LRRTM4: variants seen among roughly 807,000 people sequenced by gnomAD.
LRRTM4 encodes leucine rich repeat transmembrane neuronal 4.
A neutral mutation model predicts 47.6 loss-of-function variants in LRRTM4; 25 were observed. That is an observed-to-expected ratio of 0.53 (90% CI 0.38 to 0.73). The LOEUF is 0.73. LRRTM4 is among the 30% of genes least tolerant of loss of function. LRRTM4 has a pLI of 0.00. For synonymous variants in LRRTM4, 311 were observed against 269.5 expected (o/e 1.15, Z -1.51); for missense variants, 638 against 713.4 (o/e 0.89, Z 1.20).
intron 3 of LRRTM4, among the ~76,000 whole-genome samples, chr2:77,081,432 T>C (rs1340275669): frequency 3.3e-5 from 5 of 152,080 alleles, no homozygotes; most frequent in Non-Finnish European, 2.9e-5. Flanking sequence ...AATTGGAACA[T>C]AGAAAGTTAA....
chr2:76,875,956 AT>A (rs1342832627), intron 3 of LRRTM4, among the ~76,000 whole-genome samples: 2 of 152,136 alleles, frequency 1.3e-5, no homozygotes, highest in African/African-American at 4.8e-5. Context: ...GAGAGAGAGC[AT>A]TTACTGACTT....
intron 3 of LRRTM4, among the ~76,000 whole-genome samples, chr2:77,429,167 G>A (rs777262902): frequency 6.6e-6 from 1 of 152,088 alleles, no homozygotes; most frequent in Non-Finnish European, 1.5e-5. Flanking sequence ...AGGGTAAGAC[G>A]AATGGCAATT....
At chr2:77,192,449 A>C (rs901070550) in intron 3 of LRRTM4, among the ~76,000 whole-genome samples, 2 of 152,162 alleles carry the variant, frequency 1.3e-5, no homozygotes, top group Non-Finnish European at 1.5e-5. Context: ...ATGGCATACT[A>C]TCTAAAGAAA....
intron 3 of LRRTM4, among the ~76,000 whole-genome samples, chr2:77,473,264 G>A (rs13417799): frequency 0.063 from 9,580 of 152,164 alleles, 463 homozygotes; most frequent in Admixed American, 0.17. Flanking sequence ...ATGAATAATC[G>A]TTATGCAATC....
At chr2:77,000,977 C>T (rs4396752) in intron 3 of LRRTM4, among the ~76,000 whole-genome samples, 21,317 of 151,978 alleles carry the variant, frequency 0.14, 1,609 homozygotes, top group Admixed American at 0.2. Context: ...CAGGGGAGAA[C>T]GATTTGAGAC....
chr2:76,839,050 C>T (rs1292120408), intron 3 of LRRTM4, among the ~76,000 whole-genome samples: 2 of 152,046 alleles, frequency 1.3e-5, no homozygotes, highest in African/African-American at 2.4e-5. Flanking sequence ...ACCTCAAGAC[C>T]TCTGTAATGT....
intron 3 of LRRTM4, among the ~76,000 whole-genome samples, chr2:77,178,401 C>A (rs1673256959): frequency 1.3e-5 from 2 of 152,142 alleles, no homozygotes; most frequent in South Asian, 4.1e-4. Context: ...GCCTGGCCAA[C>A]ATGGTGAAAC....
At chr2:77,286,844 C>T (rs1676677683) in intron 3 of LRRTM4, among the ~76,000 whole-genome samples, 1 of 152,070 alleles carries the variant, frequency 6.6e-6, no homozygotes. Flanking sequence ...GGAAAACCTA[C>T]TGAAAATTAA....
intron 3 of LRRTM4, among the ~76,000 whole-genome samples, chr2:77,272,106 C>T (rs1176587526): frequency 6.6e-6 from 1 of 152,138 alleles, no homozygotes; most frequent in Non-Finnish European, 1.5e-5. Context: ...TCTCTCCTTT[C>T]TTCTCAGTGA....
chr2:76,858,276 A>T (rs1451336908), intron 3 of LRRTM4, among the ~76,000 whole-genome samples: 1 of 152,168 alleles, frequency 6.6e-6, no homozygotes, highest in Non-Finnish European at 1.5e-5. Context: ...GCCTGAAAAA[A>T]CAAAAAGGCT....
In LRRTM4 at chr2:76,894,359, T is replaced by G. The variant is rs78703600; in HGVS notation, c.1552-145443A>C. ...GGACCAGAGATGCCAGCATGCTGTT[T>G]GTAAAAATACTGACTCATATAATCT... On this transcript the variant is annotated intron_variant, in intron 3 of 3. Coordinates refer to ENST00000409884, the MANE Select transcript of LRRTM4 (RefSeq NM_001134745.3). Among the ~76,000 whole-genome samples the G allele has an allele frequency of 4.3e-3, 650 of 152,186 alleles. 2 individuals carry two copies. Among genetic ancestry groups the G allele is most frequent in the African/African-American group, 0.014 (600 of 41,558 alleles).
chr2:76,967,887 C>T (rs1489150366), intron 3 of LRRTM4, among the ~76,000 whole-genome samples: 2 of 151,314 alleles, frequency 1.3e-5, no homozygotes, highest in East Asian at 2.0e-4. Context: ...GGCTAATGGG[C>T]TTGAAGTGAA....
At chr2:77,274,681 T>C (rs1482368845) in intron 3 of LRRTM4, among the ~76,000 whole-genome samples, 1 of 152,180 alleles carries the variant, frequency 6.6e-6, no homozygotes, top group Non-Finnish European at 1.5e-5. Context: ...ATTTTTTGGC[T>C]CTACAGTACA....
intron 3 of LRRTM4, among the ~76,000 whole-genome samples, chr2:77,101,473 G>C (rs2103911674): frequency 6.6e-6 from 1 of 152,198 alleles, no homozygotes; most frequent in South Asian, 2.1e-4. Context: ...TTAGATTTCT[G>C]TATATATTAT....
At chr2:77,022,311 A>G (rs1477109414) in intron 3 of LRRTM4, among the ~76,000 whole-genome samples, 1 of 152,176 alleles carries the variant, frequency 6.6e-6, no homozygotes, top group Non-Finnish European at 1.5e-5. Context: ...ATGGGAGTAT[A>G]AATCAAAATG....
intron 3 of LRRTM4, among the ~76,000 whole-genome samples, chr2:76,813,840 A>G (rs1457360696): frequency 6.6e-6 from 1 of 152,180 alleles, no homozygotes; most frequent in Non-Finnish European, 1.5e-5. Context: ...AATTTCACGT[A>G]TTCTTACCAT....
chr2:77,504,814 T>C (rs572159838), intron 3 of LRRTM4, among the ~76,000 whole-genome samples: 47 of 151,600 alleles, frequency 3.1e-4, no homozygotes, highest in African/African-American at 9.2e-4. Context: ...CAATTTGTTA[T>C]ACATGCTAAA....
chr2:76,813,019 G>C (rs908268759), intron 3 of LRRTM4, among the ~76,000 whole-genome samples: 4 of 151,764 alleles, frequency 2.6e-5, no homozygotes, highest in African/African-American at 9.7e-5. Context: ...CAAAAAATTA[G>C]CTGGCATGGT....
chr2:76,794,410 T>C (rs1345277471), intron 3 of LRRTM4, among the ~76,000 whole-genome samples: 1 of 152,210 alleles, frequency 6.6e-6, no homozygotes, highest in Non-Finnish European at 1.5e-5. Flanking sequence ...GCTATATGAC[T>C]AATCGGCTTT....
Sources: gnomAD v4.1 joint callset for allele counts (sites outside exome capture counted in the v4.1 genomes callset) on GRCh38, gnomAD v4.1.1 for gene constraint, MANE v1.5 for transcripts, NCBI Gene and HGNC (gene_info 2026-07-23, HGNC 2026-07-21) for gene names.